ATXN1: variants seen among roughly 807,000 people sequenced by gnomAD.
ATXN1 encodes the protein ataxin-1.
Under a neutral mutation model 56.4 loss-of-function variants are expected in ATXN1, and 8 were observed. That is an observed-to-expected ratio of 0.14 (90% CI 0.08 to 0.26). The LOEUF is 0.26. Among genes scored for constraint, ATXN1 ranks in the 10% least tolerant of loss-of-function variants. The pLI, the probability that ATXN1 is intolerant of heterozygous loss-of-function variation, is 1.00. For missense variants in ATXN1, 987 were observed against 1,106.5 expected, an observed-to-expected ratio of 0.89 and a Z score of 1.53; for synonymous variants, 514 against 494.6, an observed-to-expected ratio of 1.04 and a Z score of -0.52.
At chr6:16,384,756 C>T (rs1758203773) in intron 6 of ATXN1, among the ~76,000 whole-genome samples, 1 of 152,220 alleles carries the variant, frequency 6.6e-6, no homozygotes, top group Admixed American at 6.5e-5. Flanking sequence ...GTGCTGGCTT[C>T]CCCTTCTCCT....
intron 2 of ATXN1, among the ~76,000 whole-genome samples, chr6:16,682,145 C>T (rs1167961325): frequency 7.9e-5 from 12 of 151,974 alleles, no homozygotes; most frequent in African/African-American, 1.9e-4. Flanking sequence ...ATTCCCAGGC[C>T]TCAGCATCAC....
chr6:16,682,215 G>A (rs866629434), intron 2 of ATXN1, among the ~76,000 whole-genome samples: 351 of 18,808 alleles, frequency 0.019, 11 homozygotes, highest in African/African-American at 0.078. Flanking sequence ...TTTTTTTTTT[G>A]AGATGGAGTC....
rs183945477 is a variant in ATXN1 at position 16,478,212 on chromosome 6, C to T, written c.-161+7760G>A. ...GGGCAGCTCTCACCTTGACACACTACCCTTTCATCTACATTTGTGCTTGAT... is the reference window on the plus strand; with the variant it reads ...GGGCAGCTCTCACCTTGACACACTATCCTTTCATCTACATTTGTGCTTGAT... On this transcript the variant is annotated intron_variant, in intron 6 of 7. Coordinates refer to ENST00000436367, the MANE Select transcript of ATXN1 (RefSeq NM_001128164.2). Among the ~76,000 whole-genome samples, 377 of 152,322 alleles carry T rather than the reference C, an allele frequency of 2.5e-3. 2 individuals are homozygous for T. The highest frequency in any genetic ancestry group is 3.0e-3 in the Non-Finnish European group (207 of 68,026).
chr6:16,412,536 G>C (rs1351859770), intron 6 of ATXN1, among the ~76,000 whole-genome samples: 1 of 151,994 alleles, frequency 6.6e-6, no homozygotes. Flanking sequence ...TTCTATCCAC[G>C]GCAACAGCGT....
At chr6:16,461,625 C>CCTGCAAGA (rs950107546) in intron 6 of ATXN1, among the ~76,000 whole-genome samples, 2 of 152,176 alleles carry the variant, frequency 1.3e-5, no homozygotes, top group Non-Finnish European at 2.9e-5. Flanking sequence ...GAAGCCTTCC[C>CCTGCAAGA]CTGCAAGACG....
chr6:16,622,388 G>C (rs1024177194), intron 3 of ATXN1, among the ~76,000 whole-genome samples: 2 of 152,124 alleles, frequency 1.3e-5, no homozygotes, highest in African/African-American at 4.8e-5. Context: ...GTGGTGGTTG[G>C]TGGTGGTCTC....
chr6:16,520,095 T>C (rs1761258258), intron 5 of ATXN1, among the ~76,000 whole-genome samples: 1 of 152,096 alleles, frequency 6.6e-6, no homozygotes, highest in Non-Finnish European at 1.5e-5. Context: ...GCAAATAAAA[T>C]CACAGCGCTG....
chr6:16,479,263 A>C (rs1581789997), intron 6 of ATXN1, among the ~76,000 whole-genome samples: 1 of 152,206 alleles, frequency 6.6e-6, no homozygotes. Flanking sequence ...TGAAACAGCT[A>C]ATTTGCTATC....
chr6:16,610,134 A>T (rs1021793786), intron 3 of ATXN1, among the ~76,000 whole-genome samples: 8 of 152,280 alleles, frequency 5.3e-5, no homozygotes, highest in Non-Finnish European at 7.4e-5. Flanking sequence ...GATACAGGAG[A>T]CAAAGTAGGA....
At chr6:16,675,833 G>T (rs1417570871) in intron 2 of ATXN1, among the ~76,000 whole-genome samples, 2 of 152,128 alleles carry the variant, frequency 1.3e-5, no homozygotes, top group South Asian at 4.1e-4. Flanking sequence ...AGGCTGCAGT[G>T]AGCCAAGATT....
intron 6 of ATXN1, among the ~76,000 whole-genome samples, chr6:16,386,656 G>A (rs139673291): frequency 1.1e-3 from 167 of 152,228 alleles, no homozygotes; most frequent in African/African-American, 3.9e-3. Flanking sequence ...CTGATAACAG[G>A]TCTCTGGTGA....
chr6:16,563,350 G>C (rs1762155706), intron 4 of ATXN1, among the ~76,000 whole-genome samples: 1 of 152,196 alleles, frequency 6.6e-6, no homozygotes, highest in African/African-American at 2.4e-5. Flanking sequence ...CCTCTAAGCA[G>C]CTGTGCAGGT....
At chr6:16,312,973 G>A (rs9477082) in intron 7 of ATXN1, among the ~76,000 whole-genome samples, 3,508 of 152,194 alleles carry the variant, frequency 0.023, 129 homozygotes, top group African/African-American at 0.077. Context: ...TGCTTCCTAG[G>A]TTCAAGCTAT....
chr6:16,726,958 C>T (rs1460448014), intron 2 of ATXN1, among the ~76,000 whole-genome samples: 1 of 152,222 alleles, frequency 6.6e-6, no homozygotes, highest in African/African-American at 2.4e-5. Context: ...GAACATACTA[C>T]TTTCTGGATC....
At chr6:16,495,942 T>TTC (rs1419746885) in intron 5 of ATXN1, among the ~76,000 whole-genome samples, 21 of 152,144 alleles carry the variant, frequency 1.4e-4, no homozygotes, top group Non-Finnish European at 2.6e-4. Flanking sequence ...CAGAATTATT[T>TTC]TCTGAAATTC....
At chr6:16,527,792 G>A (rs970899434) in intron 4 of ATXN1, among the ~76,000 whole-genome samples, 12 of 152,228 alleles carry the variant, frequency 7.9e-5, no homozygotes, top group African/African-American at 2.9e-4. Flanking sequence ...CTAGGCATTT[G>A]CAATATCATG....
At chr6:16,601,898 C>A (rs1762919366) in intron 3 of ATXN1, among the ~76,000 whole-genome samples, 1 of 152,104 alleles carries the variant, frequency 6.6e-6, no homozygotes, top group Middle Eastern at 3.4e-3. Context: ...AGTAGAAATA[C>A]AAGTAGAAGA....
chr6:16,678,650 A>G (rs1278509853), intron 2 of ATXN1, among the ~76,000 whole-genome samples: 1 of 152,244 alleles, frequency 6.6e-6, no homozygotes, highest in Non-Finnish European at 1.5e-5. Context: ...TAATTTTCTG[A>G]TTTAAATATA....
At chr6:16,566,686 T>C (rs913781861) in intron 4 of ATXN1, among the ~76,000 whole-genome samples, 41 of 152,032 alleles carry the variant, frequency 2.7e-4, no homozygotes, top group Non-Finnish European at 5.4e-4. Context: ...ACCCCGTCTC[T>C]ACTAAAAATA....
Sources: gnomAD v4.1 joint callset for allele counts (sites outside exome capture counted in the v4.1 genomes callset) on GRCh38, gnomAD v4.1.1 for gene constraint, MANE v1.5 for transcripts, NCBI Gene and HGNC (gene_info 2026-07-23, HGNC 2026-07-21) for gene names.